ACOX3: variants seen among roughly 807,000 people sequenced by gnomAD.
ACOX3 encodes acyl-CoA oxidase 3, pristanoyl, also known as peroxisomal acyl-coenzyme A oxidase 3.
ACOX3 carries 73 observed loss-of-function variants against 81.5 expected under a neutral mutation model. The ratio of observed to expected loss-of-function variants is 0.90; its 90% CI spans 0.74 to 1.09. ACOX3 has a LOEUF of 1.09. ACOX3 is among the 50% of genes least tolerant of loss of function. The probability of loss-of-function intolerance (pLI) is 0.00; values close to 1 mark genes in which losing one functional copy is unlikely to be tolerated. For synonymous variants in ACOX3, 387 were observed against 375.1 expected (o/e 1.03, Z -0.37); for missense variants, 947 against 928.0 (o/e 1.02, Z -0.27).
chr4:8,431,484 G>A lies in ACOX3; in HGVS notation c.-15+9164C>T, dbSNP rs1723950388. Among the ~76,000 whole-genome samples, 5 of 152,352 alleles carry A rather than the reference G, an allele frequency of 3.3e-5. No individual in the cohort carries two copies. In the South Asian group the frequency reaches 8.3e-4, roughly 25 times the overall value. On this transcript the variant is annotated intron_variant, in intron 1 of 17. Transcript: ENST00000356406. This position sits in a 1 kb window ranked among gnomAD's most constrained non-coding sequence, Gnocchi z 5.3. ...GGCCTCTCTGTGAGTCAGGGTGGTGGGGAGGTAGGAAGAGAGGAAGGGGTC... is the reference window on the plus strand; with the variant it reads ...GGCCTCTCTGTGAGTCAGGGTGGTGAGGAGGTAGGAAGAGAGGAAGGGGTC...
rs750309034 is a variant in ACOX3, at chr4:8,381,524, T to C, written c.1621A>G (p.Ser541Gly). The change falls in exon 14 of 18, where the codon AGC becomes GGC. Residue 541 changes from serine to glycine, a missense_variant. Ser to Gly is a moderately conservative substitution (Grantham distance 56, BLOSUM62 0). Coordinates refer to ENST00000356406, the MANE Select transcript of ACOX3 (RefSeq NM_003501.3). The surrounding 1 kb of genome is among the most constrained non-coding windows in gnomAD (Gnocchi z 4.3). ...QKLNQEKRSGSSDFEARNKCQ... is the reference protein window; with the variant it reads ...QKLNQEKRSGGSDFEARNKCQ... ...TTGTTCCTTGCTTCAAAGTCACTGC[T>C]TCCTGATCTTTTCTCTTGGTTTAAT... The C allele has an allele frequency of 6.2e-7, 1 of 1,614,010 alleles. No homozygotes were observed. The highest frequency in any genetic ancestry group is 1.7e-5 in the Admixed American group (1 of 60,006).
intron 7 of ACOX3, among the ~76,000 whole-genome samples, chr4:8,404,171 C>T (rs1720669485): frequency 1.3e-5 from 2 of 152,342 alleles, no homozygotes; most frequent in South Asian, 2.1e-4. Flanking sequence ...TGGGGCTTCC[C>T]GCTGCCCTGA....
Position 8,381,454 on chromosome 4 carries a change from AAAT to A in ACOX3, c.1653+35_1653+37del, listed in dbSNP as rs767372511. On this transcript the variant is annotated intron_variant, in intron 14 of 17. Coordinates refer to ENST00000356406, the MANE Select transcript of ACOX3 (RefSeq NM_003501.3). This position sits in a 1 kb window ranked among gnomAD's most constrained non-coding sequence, Gnocchi z 4.3. ...ACACAACGGCCAGGGAATTAAGAGC[AAAT>A]AATACAAAAGGGAATTTTGAAAACA... 6.3e-7 allele frequency: 1 copy of A among 1,581,124 alleles called. No homozygotes were observed. The highest frequency in any genetic ancestry group is 8.7e-7 in the Non-Finnish European group (1 of 1,151,782).
intron 1 of ACOX3, among the ~76,000 whole-genome samples, chr4:8,440,225 C>G (rs1724530182): frequency 6.6e-6 from 1 of 152,186 alleles, no homozygotes; most frequent in Non-Finnish European, 1.5e-5. Context: ...TTGGGGAGCT[C>G]AGCTCTTAAG....
chr4:8,435,963 A>G (rs1314900952), intron 1 of ACOX3, among the ~76,000 whole-genome samples: 1 of 152,158 alleles, frequency 6.6e-6, no homozygotes, highest in Non-Finnish European at 1.5e-5. Flanking sequence ...CCAAGGAAGG[A>G]AGTCAAGATA....
downstream of ACOX3, among the ~76,000 whole-genome samples, chr4:8,362,697 G>A (rs983171144): frequency 2.6e-5 from 4 of 152,220 alleles, no homozygotes; most frequent in Non-Finnish European, 4.4e-5. Context: ...GGTAAATGAA[G>A]AATGTCACTT....
chr4:8,409,809 G>GTGCACTGTGGGCAGGACTGTC (rs1447098652), intron 6 of ACOX3, among the ~76,000 whole-genome samples: 7 of 148,054 alleles, frequency 4.7e-5, no homozygotes, highest in African/African-American at 1.8e-4. Flanking sequence ...GGAGCTGTCT[G>GTGCACTGTGGGCAGGACTGTC]TGCACTGTGG....
intron 1 of ACOX3, among the ~76,000 whole-genome samples, chr4:8,440,016 ACAT>A (rs1265044105): frequency 2.0e-5 from 3 of 152,178 alleles, no homozygotes; most frequent in African/African-American, 7.2e-5. Flanking sequence ...AATAATAATA[ACAT>A]CAACCCCCGA....
At chr4:8,357,013 T>A in the ACOX3 span, 1 of 454,600 alleles carries the variant, frequency 2.2e-6, no homozygotes, top group Non-Finnish European at 4.4e-6. Flanking sequence ...GTGTGCAGAA[T>A]GGTGCATGCT....
At chr4:8,359,000 G>C in the ACOX3 span, among the ~76,000 whole-genome samples, 1 of 152,076 alleles carries the variant, frequency 6.6e-6, no homozygotes, top group African/African-American at 2.4e-5. Flanking sequence ...CCCCTTTCCT[G>C]TAACATCTTT....
At chr4:8,395,033 A>T in intron 9 of ACOX3, 1 of 287,462 alleles carries the variant, frequency 3.5e-6, no homozygotes, top group Non-Finnish European at 6.8e-6. Context: ...ACAAAGTGCC[A>T]GTCTATCTGT....
Position 8,399,629 on chromosome 4 carries a change from C to A in ACOX3, c.800G>T (p.Arg267Ile), listed in dbSNP as rs1425166111. 1.9e-6 allele frequency: 3 copies of A among 1,614,074 alleles called. No homozygotes were observed. In the African/African-American group the frequency reaches 4.0e-5, roughly 22 times the overall value. The stretch of plus-strand genomic sequence containing the variant: ...GTTCAGAAGGCTCTGGCGAGGAACT[C>A]TGACCTTGTGGAACATGGCGAAACT... ...DNGFAMFHKV[R>I]VPRQSLLNRM... is the part of the protein sequence containing the mutation. The change falls in exon 8 of 18, where the codon AGA becomes ATA. Residue 267 changes from arginine to isoleucine, a missense_variant. Arg to Ile is a moderately conservative substitution (Grantham distance 97, BLOSUM62 -3). Transcript: ENST00000356406. This position sits in a 1 kb window ranked among gnomAD's most constrained non-coding sequence, Gnocchi z 4.9.
chr4:8,400,689 A>T lies in ACOX3; in HGVS notation c.777-1037T>A, dbSNP rs1011222303. ...AAACTGTGCAAAAACCCCCCAAAAC[A>T]AACTTCAAAATATCAATAGTTCCTA... On this transcript the variant is annotated intron_variant, in intron 7 of 17. Coordinates refer to ENST00000356406, the MANE Select transcript of ACOX3 (RefSeq NM_003501.3). The surrounding 1 kb of genome is among the most constrained non-coding windows in gnomAD (Gnocchi z 4.4). Among the ~76,000 whole-genome samples the T allele has an allele frequency of 4.6e-5, 7 of 152,170 alleles. No homozygotes were observed. Among genetic ancestry groups the T allele is most frequent in the African/African-American group, 1.7e-4 (7 of 41,434 alleles).
the ACOX3 span, among the ~76,000 whole-genome samples, chr4:8,358,576 T>C: frequency 1.3e-5 from 2 of 152,102 alleles, no homozygotes; most frequent in African/African-American, 2.4e-5. Context: ...CAGGATGAGA[T>C]AGGAGGTCAG....
chr4:8,401,672 T>C (rs1266964873), intron 7 of ACOX3, among the ~76,000 whole-genome samples: 1 of 152,194 alleles, frequency 6.6e-6, no homozygotes, highest in African/African-American at 2.4e-5. Context: ...CTGACCTCCA[T>C]CTGCCCCTCT....
At chr4:8,356,611 A>G in the ACOX3 span, 1 of 456,198 alleles carries the variant, frequency 2.2e-6, no homozygotes, top group Non-Finnish European at 4.4e-6. Context: ...GGTGTACGCT[A>G]ACATGATCCC....
In ACOX3 at chr4:8,373,621, G is replaced by A; in HGVS notation, c.1836C>T (p.Tyr612=). 2 of 1,612,106 alleles carry A rather than the reference G, an allele frequency of 1.2e-6. No individual in the cohort carries two copies. Among genetic ancestry groups the A allele is most frequent in the Non-Finnish European group, 1.7e-6 (2 of 1,179,168 alleles). ...CTTCTCCCGCCTGCTCACCGGAGAAGTATCCTCCTGCAAGCACAGCCTCGG... is the reference window on the plus strand; with the variant it reads ...CTTCTCCCGCCTGCTCACCGGAGAAATATCCTCCTGCAAGCACAGCCTCGG... ...RHAALLYRGG[Y]FSGEQAGEVL... The change falls in exon 16 of 18, where the codon TAC becomes TAT. Residue 612 remains tyrosine (Y), a synonymous_variant. Coordinates refer to ENST00000356406, the MANE Select transcript of ACOX3 (RefSeq NM_003501.3).
chr4:8,391,451 T>C (rs1354787313), intron 11 of ACOX3, among the ~76,000 whole-genome samples: 1 of 152,258 alleles, frequency 6.6e-6, no homozygotes. Flanking sequence ...GTTTTGCTGA[T>C]GCTGTGGCTG....
intron 14 of ACOX3, among the ~76,000 whole-genome samples, chr4:8,380,189 C>CTTTT (rs11388749): frequency 7.9e-6 from 1 of 125,858 alleles, no homozygotes; most frequent in African/African-American, 3.3e-5. Context: ...ATATGGGTTC[C>CTTTT]TTTTTTTTTT....
Sources: allele counts gnomAD v4.1 joint callset (sites outside exome capture counted in the v4.1 genomes callset), GRCh38; gene constraint gnomAD v4.1.1; non-coding constraint Gnocchi (gnomAD v3.1); transcripts MANE v1.5; gene names NCBI Gene and HGNC (gene_info 2026-07-23, HGNC 2026-07-21).